The following AKAP12 variants were observed in gnomAD, a reference collection of about 807,000 sequenced individuals.
AKAP12 encodes the protein A-kinase anchoring protein 12, also known as A-kinase anchor protein 12.
In AKAP12, 32 loss-of-function variants were observed where a neutral mutation model predicts 79.9. That is an observed-to-expected ratio of 0.40 (90% CI 0.30 to 0.54). AKAP12 has a LOEUF of 0.54. Among genes scored for constraint, AKAP12 ranks in the 20% least tolerant of loss-of-function variants. AKAP12 has a pLI of 0.48. For synonymous variants in AKAP12, 808 were observed against 857.0 expected (o/e 0.94, Z 1.00); for missense variants, 2,074 against 2,177.0 (o/e 0.95, Z 0.94).
rs755562706 is a variant in AKAP12 at position 151,351,414 on chromosome 6, A to G, written c.3023A>G (p.Gln1008Arg). 2.0e-5 allele frequency: 32 copies of G among 1,614,104 alleles called. No homozygotes were observed. The highest frequency in any genetic ancestry group is 3.3e-4 in the Middle Eastern group (2 of 6,084). ...ACAGAAATGGTGTCAGCAGTCTCCC[A>G]GTTAACCGACTCCCCAGACACCACA... The part of the protein sequence containing the change: ...ETTEMVSAVS[Q>R]LTDSPDTTEE... Residue 1008 changes from glutamine (Q) to arginine (R), a missense_variant, in exon 4 of 5, where the codon CAG becomes CGG. Coordinates refer to ENST00000402676, the MANE Select transcript of AKAP12 (RefSeq NM_005100.4). This position sits in a 1 kb window ranked among gnomAD's most constrained non-coding sequence, Gnocchi z 4.4.
At chr6:151,259,206 C>T (rs1367748671) in intron 2 of AKAP12, among the ~76,000 whole-genome samples, 6 of 150,972 alleles carry the variant, frequency 4.0e-5, no homozygotes, top group Non-Finnish European at 5.9e-5. Flanking sequence ...CACCACGCCC[C>T]GTTAATTTTT....
intron 2 of AKAP12, among the ~76,000 whole-genome samples, chr6:151,274,261 G>A (rs1011598410): frequency 6.6e-6 from 1 of 151,982 alleles, no homozygotes; most frequent in Admixed American, 6.6e-5. Context: ...TATTCTTTTT[G>A]TAGAGATGGG....
chr6:151,284,878 G>A, intron 2 of AKAP12, among the ~76,000 whole-genome samples: 1 of 152,160 alleles, frequency 6.6e-6, no homozygotes, highest in South Asian at 2.1e-4. Flanking sequence ...CCATCACAGG[G>A]ATTAATCAAA....
chr6:151,345,645 A>G (rs967398202), intron 3 of AKAP12, among the ~76,000 whole-genome samples: 1 of 151,230 alleles, frequency 6.6e-6, no homozygotes, highest in African/African-American at 2.4e-5. Context: ...AAAAATACAA[A>G]CATCAGCCAG....
At chr6:151,269,263 T>TA (rs1582845384) in intron 2 of AKAP12, among the ~76,000 whole-genome samples, 2 of 152,192 alleles carry the variant, frequency 1.3e-5, no homozygotes, top group East Asian at 3.9e-4. Context: ...AAAATGTCAG[T>TA]GGCATTTTCA....
At chr6:151,268,341 C>G (rs940323137) in intron 2 of AKAP12, among the ~76,000 whole-genome samples, 4 of 152,064 alleles carry the variant, frequency 2.6e-5, no homozygotes, top group Non-Finnish European at 4.4e-5. Flanking sequence ...TGCTTGAACC[C>G]GGGAGGCAGA....
intron 3 of AKAP12, among the ~76,000 whole-genome samples, chr6:151,328,091 G>T (rs918501424): frequency 6.6e-6 from 1 of 152,016 alleles, no homozygotes; most frequent in African/African-American, 2.4e-5. Flanking sequence ...ACTTTGGGAG[G>T]CCGAGGTGGG....
Position 151,353,666 on chromosome 6 carries a change from A to T in AKAP12, c.5275A>T (p.Ile1759Phe), listed in dbSNP as rs760030183. 3 of 1,613,994 alleles carry T rather than the reference A, an allele frequency of 1.9e-6. No homozygotes were observed. The South Asian group carries it at 3.3e-5, about 18-fold the overall frequency. Residue 1759 changes from isoleucine to phenylalanine, a missense_variant, in exon 4 of 5, where the codon ATC becomes TTC. Around this residue, in one of 3 missense-constraint regions of AKAP12, gnomAD observed 614 missense variants for 665.6 expected, o/e 0.92. Coordinates refer to ENST00000402676, the MANE Select transcript of AKAP12 (RefSeq NM_005100.4). ...AGTGCACAGTGAATCAGATAAAGCG[A>T]TCACACCCCAAGCACAGGAGGAGTT... ...GKVHSESDKAITPQAQEELQK... is the reference protein window; with the variant it reads ...GKVHSESDKAFTPQAQEELQK...
intron 2 of AKAP12, among the ~76,000 whole-genome samples, chr6:151,243,367 A>G (rs575295347): frequency 3.2e-4 from 49 of 152,344 alleles, no homozygotes; most frequent in African/African-American, 1.1e-3. Context: ...TATCACATGC[A>G]TGCTATCTAT....
At chr6:151,268,939 C>T (rs62441502) in intron 2 of AKAP12, among the ~76,000 whole-genome samples, 20,024 of 132,088 alleles carry the variant, frequency 0.15, 1,889 homozygotes, top group Admixed American at 0.35. Context: ...CCACCGTGCT[C>T]GGCCTGTTTT....
Position 151,353,392 on chromosome 6 carries a change from A to G in AKAP12, c.5001A>G (p.Gly1667=), listed in dbSNP as rs1366487884. 2 of 1,614,176 alleles carry G rather than the reference A, an allele frequency of 1.2e-6. No homozygotes were observed. Among genetic ancestry groups the G allele is most frequent in the African/African-American group, 1.3e-5 (1 of 75,040 alleles). ...TCGTCCTCCCATCTGAGGAAGAGGGAGGTGGAGCTGGAACAAAGTCTGTGC... is the reference window on the plus strand; with the variant it reads ...TCGTCCTCCCATCTGAGGAAGAGGGGGGTGGAGCTGGAACAAAGTCTGTGC... ...EEVVLPSEEE[G]GGAGTKSVPE... is the part of the protein sequence containing the mutation. Residue 1667 remains glycine (G), a synonymous_variant, in exon 4 of 5, where the codon GGA becomes GGG. Transcript: ENST00000402676.
At chr6:151,332,272 G>A (rs1777695624) in intron 3 of AKAP12, among the ~76,000 whole-genome samples, 1 of 151,884 alleles carries the variant, frequency 6.6e-6, no homozygotes, top group Non-Finnish European at 1.5e-5. Context: ...TCCTGACCTC[G>A]TGATCCGCCC....
intron 2 of AKAP12, among the ~76,000 whole-genome samples, chr6:151,279,177 C>T (rs1364686675): frequency 6.6e-6 from 1 of 152,092 alleles, no homozygotes; most frequent in African/African-American, 2.4e-5. Flanking sequence ...CTGAGTCGGA[C>T]TTACTTAGGA....
At chr6:151,304,753 A>G (rs1042181046) in intron 2 of AKAP12, among the ~76,000 whole-genome samples, 1 of 151,282 alleles carries the variant, frequency 6.6e-6, no homozygotes, top group Admixed American at 6.6e-5. Flanking sequence ...ATTTTTTTGT[A>G]TTATTAGTAG....
At chr6:151,325,937 C>T (rs756633631) in intron 3 of AKAP12, 6 of 1,613,668 alleles carry the variant, frequency 3.7e-6, no homozygotes, top group Non-Finnish European at 5.1e-6. Context: ...AGGCACGGGG[C>T]ACGAAAAGGG....
rs1778481599 is a variant in AKAP12 at position 151,357,883 on chromosome 6, G to T, written c.*2169G>T. On this transcript the variant is annotated 3_prime_UTR_variant, in exon 5 of 5. Coordinates refer to ENST00000402676, the MANE Select transcript of AKAP12 (RefSeq NM_005100.4). ...GCTGTTTTGAACAGATTAAAGATTT[G>T]TGTAGTTTGTGGGAAATTGACGTTT... 2 of 151,998 alleles carry T rather than the reference G, an allele frequency of 1.3e-5. No individual in the cohort carries two copies. The highest frequency in any genetic ancestry group is 4.8e-5 in the African/African-American group (2 of 41,376). 9.4% of individuals were successfully genotyped at this position (151,998 alleles called of 1,614,324 possible).
At chr6:151,322,731 CGTGTCCACCACCCACTCCTGCCACTGGGT>C (rs1562738526) in intron 3 of AKAP12, among the ~76,000 whole-genome samples, 3 of 140,386 alleles carry the variant, frequency 2.1e-5, no homozygotes, top group African/African-American at 9.6e-5. Flanking sequence ...CGCCACTGGG[CGTGTCCACCACCCACTCCTGCCACTGGGT>C]GTGTGCACCA....
At chr6:151,325,777 G>C (rs1186544722) in intron 3 of AKAP12, 1 of 1,610,194 alleles carries the variant, frequency 6.2e-7, no homozygotes, top group African/African-American at 1.3e-5. Flanking sequence ...ACCACCTGCG[G>C]TTGGCAGGCA....
At chr6:151,335,270 A>G (rs559868097) in intron 3 of AKAP12, among the ~76,000 whole-genome samples, 1 of 152,184 alleles carries the variant, frequency 6.6e-6, no homozygotes, top group Non-Finnish European at 1.5e-5. Context: ...TATACTGATT[A>G]TGTTTGGAAT....
Sources: allele counts gnomAD v4.1 joint callset (sites outside exome capture counted in the v4.1 genomes callset), GRCh38; gene constraint gnomAD v4.1.1; regional missense constraint gnomAD v4.1.1; non-coding constraint Gnocchi (gnomAD v3.1); transcripts MANE v1.5; gene names NCBI Gene and HGNC (gene_info 2026-07-23, HGNC 2026-07-21).